Variants in ALDH16A1 observed in about 807,000 individuals in gnomAD.
ALDH16A1 encodes the protein aldehyde dehydrogenase 16 family member A1, also known as aldehyde dehydrogenase family 16 member A1.
Under a neutral mutation model 96.1 loss-of-function variants are expected in ALDH16A1, and 88 were observed. The ratio of observed to expected loss-of-function variants is 0.92; its 90% CI spans 0.77 to 1.09. The LOEUF is 1.09. Ranked by LOEUF, ALDH16A1 falls within the 50% of genes least tolerant of loss-of-function variation. The probability of loss-of-function intolerance (pLI) is 0.00; values close to 1 mark genes in which losing one functional copy is unlikely to be tolerated. For synonymous variants in ALDH16A1, 522 were observed against 496.4 expected (o/e 1.05, Z -0.69); for missense variants, 1,250 against 1,112.6 (o/e 1.12, Z -1.76).
In ALDH16A1 at chr19:49,462,720, C is replaced by T. The variant is rs765698438; in HGVS notation, c.1063C>T (p.Arg355Cys). ...RGAAACDLVQ[R>C]FVREAQSQGA... ...GGCTGCCGCATGTGACCTGGTCCAG[C>T]GCTTTGTGCGTGAGGCCCAGAGCCA... Residue 355 changes from arginine to cysteine, a missense_variant, in exon 8 of 17, where the codon CGC becomes TGC. Transcript: ENST00000293350. The T allele has an allele frequency of 1.6e-5, 25 of 1,601,930 alleles. No homozygotes were observed. The highest frequency in any genetic ancestry group is 2.0e-5 in the Non-Finnish European group (24 of 1,175,350).
intron 7 of ALDH16A1, among the ~76,000 whole-genome samples, chr19:49,462,335 A>G (rs916350652): frequency 2.0e-5 from 3 of 152,014 alleles, no homozygotes; most frequent in African/African-American, 7.3e-5. Flanking sequence ...GGGTTTCACC[A>G]TGTTGGCCAG....
intron 16 of ALDH16A1, chr19:49,470,026 T>C (rs2079232068): frequency 7.9e-6 from 3 of 377,586 alleles, no homozygotes; most frequent in Non-Finnish European, 1.4e-5. Context: ...GTCCACTCTC[T>C]TAAACCTCCT....
chr19:49,468,435 G>C lies in ALDH16A1; in HGVS notation c.1993G>C (p.Ala665Pro). 1 of 1,601,286 alleles carries C rather than the reference G, an allele frequency of 6.2e-7. No individual in the cohort carries two copies. The highest frequency in any genetic ancestry group is 8.5e-7 in the Non-Finnish European group (1 of 1,179,784). ...CCTGCGGGAGCCGCTGGGTGTGCTG[G>C]CTGTGGTGTGTCCGGACGAGTGGCC... Reference protein sequence around the residue: ...LRLREPLGVLAVVCPDEWPLL... With the variant: ...LRLREPLGVLPVVCPDEWPLL... The change falls in exon 15 of 17, where the codon GCT (alanine) becomes CCT (proline). Residue 665 changes from alanine (A) to proline (P), a missense_variant. Ala to Pro is a conservative substitution (Grantham distance 27, BLOSUM62 -1). Transcript: ENST00000293350. This position sits in a 1 kb window ranked among gnomAD's most constrained non-coding sequence, Gnocchi z 4.4.
In ALDH16A1 at chr19:49,458,600, C is replaced by A. The variant is rs771294295; in HGVS notation, c.193+12C>A. ...GGATCCCATCACAGGTACGAGATGT[C>A]CCCCAGTCATTAGTGGAAGGGAGGT... On this transcript the variant is annotated intron_variant, in intron 2 of 16. Transcript: ENST00000293350. 6.4e-7 allele frequency: 1 copy of A among 1,552,698 alleles called. No individual in the cohort carries two copies. The highest frequency in any genetic ancestry group is 1.4e-5 in the African/African-American group (1 of 73,382).
rs751968474 is a variant in ALDH16A1 at position 49,465,877 on chromosome 19, G to A, written c.1708G>A (p.Val570Met). 1 of 1,614,076 alleles carries A rather than the reference G, an allele frequency of 6.2e-7. No individual in the cohort carries two copies. The highest frequency in any genetic ancestry group is 1.7e-5 in the Admixed American group (1 of 60,006). Residue 570 changes from valine (V) to methionine (M), a missense_variant, in exon 13 of 17, where the codon GTG becomes ATG. Coordinates refer to ENST00000293350, the MANE Select transcript of ALDH16A1 (RefSeq NM_153329.4). ...TGGAGCCAAGGACATCCGAGGTGCT[G>A]TGGAGGCCGCTCACCAGGCTTTCCC... ...EGGAKDIRGA[V>M]EAAHQAFPGW...
rs761300617 is a variant in ALDH16A1, at chr19:49,459,018, G to A, written c.252G>A (p.Glu84=). The change falls in exon 3 of 17, where the codon GAG becomes GAA. Residue 84 remains glutamate (E), a synonymous_variant. Coordinates refer to ENST00000293350, the MANE Select transcript of ALDH16A1 (RefSeq NM_153329.4). The surrounding 1 kb of genome is among the most constrained non-coding windows in gnomAD (Gnocchi z 4.1). ...AQAEDVAAAV[E]AARMAFKGWS... is the part of the protein sequence containing the mutation. ...CCGAGGATGTGGCTGCAGCCGTGGA[G>A]GCAGCCAGGATGGCATTTAAGGGCT... The A allele has an allele frequency of 6.2e-7, 1 of 1,613,466 alleles. No individual in the cohort carries two copies. The highest frequency in any genetic ancestry group is 1.1e-5 in the South Asian group (1 of 91,080).
intron 4 of ALDH16A1, 143 bp from the exon 5 acceptor site, chr19:49,460,679 G>T: frequency 2.9e-6 from 2 of 685,578 alleles, no homozygotes; most frequent in East Asian, 2.8e-5. Context: ...CTCCCAAAGT[G>T]CTGAGATTAC....
intron 13 of ALDH16A1, 67 bp downstream of exon 13, chr19:49,465,972 T>C (rs946098573): frequency 6.0e-5 from 94 of 1,563,140 alleles, no homozygotes; most frequent in Non-Finnish European, 7.4e-5. Flanking sequence ...CCCACAGCAA[T>C]TGGTGGACTG....
rs1336722001 is a variant in ALDH16A1, at chr19:49,466,252, C to T, written c.1907C>T (p.Ala636Val). 7.4e-6 allele frequency: 11 copies of T among 1,477,752 alleles called. No individual in the cohort carries two copies. Among genetic ancestry groups the T allele is most frequent in the East Asian group, 2.4e-5 (1 of 41,898 alleles). The allele number at this position is 1,477,752 out of a possible 1,614,324, so 91.5% of individuals were successfully genotyped here. A position where few individuals can be genotyped will look rare whatever the true frequency, so the allele number is the denominator to read the frequency against. Residue 636 changes from alanine to valine, a missense_variant, in exon 14 of 17, where the codon GCC becomes GTC. Physicochemically the swap from Ala to Val is moderately conservative, Grantham distance 64. Coordinates refer to ENST00000293350, the MANE Select transcript of ALDH16A1 (RefSeq NM_153329.4). ...GCAAGACGACTTCGGGCGTGGGGGGCCCGGGTGCAGGCCCAAGGCCACACC... is the reference window on the plus strand; with the variant it reads ...GCAAGACGACTTCGGGCGTGGGGGGTCCGGGTGCAGGCCCAAGGCCACACC... ...LSARRLRAWG[A>V]RVQAQGHTLQ...
rs866708067 is a variant in ALDH16A1 at position 49,470,725 on chromosome 19, T to C, written c.*258T>C. ...GCGCAGTGGCACAATCTCGGCCCAC[T>C]GCAGCCTCGACCTCTGGGGCTCAAG... On this transcript the variant is annotated 3_prime_UTR_variant, in exon 17 of 17. Transcript: ENST00000293350. 9 of 339,872 alleles carry C rather than the reference T, an allele frequency of 2.6e-5. No individual in the cohort carries two copies. Among genetic ancestry groups the C allele is most frequent in the Middle Eastern group, 8.3e-4 (1 of 1,200 alleles). The allele number at this position is 339,872 out of a possible 1,614,324, so 21.1% of individuals were successfully genotyped here.
chr19:49,465,849 G>T lies in ALDH16A1; in HGVS notation c.1680G>T (p.Glu560Asp), dbSNP rs1193556835. The change falls in exon 13 of 17, where the codon GAG becomes GAT. Residue 560 changes from glutamate (E) to aspartate (D), a missense_variant. Transcript: ENST00000293350. The stretch of plus-strand genomic sequence containing the variant: ...GCAACCTCCATGGCTACGTGGCTGA[G>T]GGTGGAGCCAAGGACATCCGAGGTG... The part of the protein sequence containing the change: ...SSGNLHGYVA[E>D]GGAKDIRGAV... 3 of 1,613,996 alleles carry T rather than the reference G, an allele frequency of 1.9e-6. No homozygotes were observed. In the Admixed American group the frequency reaches 5.0e-5, roughly 27 times the overall value.
Position 49,459,805 on chromosome 19 carries a change from G to C in ALDH16A1, c.456G>C (p.Gln152His). 1 of 1,613,508 alleles carries C rather than the reference G, an allele frequency of 6.2e-7. No individual in the cohort carries two copies. The highest frequency in any genetic ancestry group is 8.5e-7 in the Non-Finnish European group (1 of 1,179,886). ...AQQLLHYHAI[Q>H]ASTQEEALAG... Reference sequence around the variant, plus strand: ...AGCTGCTCCACTACCATGCAATCCAGGCATCCACCCAGGAGGAGGCACTGG... The same window carrying C: ...AGCTGCTCCACTACCATGCAATCCACGCATCCACCCAGGAGGAGGCACTGG... Residue 152 changes from glutamine (Q) to histidine (H), a missense_variant, in exon 4 of 17, where the codon CAG becomes CAC. Gln to His is a conservative substitution (Grantham distance 24). Coordinates refer to ENST00000293350, the MANE Select transcript of ALDH16A1 (RefSeq NM_153329.4). The surrounding 1 kb of genome is among the most constrained non-coding windows in gnomAD (Gnocchi z 4.1).
intron 1 of ALDH16A1, among the ~76,000 whole-genome samples, chr19:49,453,765 C>T (rs1211579037): frequency 6.6e-6 from 1 of 152,136 alleles, no homozygotes; most frequent in African/African-American, 2.4e-5. Context: ...CTTAGGATTC[C>T]TGTGAGGCTC....
chr19:49,458,838 C>A, intron 2 of ALDH16A1, 122 bp from the exon 3 acceptor site: 1 of 1,389,838 alleles, frequency 7.2e-7, no homozygotes, highest in Non-Finnish European at 9.9e-7. Flanking sequence ...TAGCCGTGAC[C>A]CAGCAGAGAA....
chr19:49,464,592 G>A (rs369626137), intron 11 of ALDH16A1, 40 bp from the exon 12 acceptor site: 22 of 1,613,382 alleles, frequency 1.4e-5, no homozygotes, highest in East Asian at 2.2e-5. Context: ...ATCCGGCCTC[G>A]CGTGCCCCTT....
At chr19:49,453,508 G>T (rs1004332550) in intron 1 of ALDH16A1, 87 bp downstream of exon 1, 26 of 1,253,682 alleles carry the variant, frequency 2.1e-5, no homozygotes, top group Non-Finnish European at 2.7e-5. Context: ...CATCCACTGC[G>T]GTAGCTCAGC....
intron 1 of ALDH16A1, among the ~76,000 whole-genome samples, chr19:49,454,261 G>A (rs2079092205): frequency 6.6e-6 from 1 of 151,990 alleles, no homozygotes; most frequent in African/African-American, 2.4e-5. Flanking sequence ...GGCCTCAAGT[G>A]ATCCACCCAC....
intron 1 of ALDH16A1, among the ~76,000 whole-genome samples, chr19:49,454,030 TG>T (rs1233753459): frequency 3.1e-5 from 4 of 130,634 alleles, no homozygotes; most frequent in Non-Finnish European, 6.8e-5. Context: ...GTTTTTTTTT[TG>T]TTTTTTTTTT....
chr19:49,467,714 T>C lies in ALDH16A1; in HGVS notation c.1939-667T>C, dbSNP rs568665236. On this transcript the variant is annotated intron_variant, in intron 14 of 16. Transcript: ENST00000293350. The stretch of plus-strand genomic sequence containing the variant: ...CGGCCTTCTTTTTTTTAAATTTTAT[T>C]TTACTTTAGTTCTGGGATACATGTG... 5.9e-5 allele frequency among the ~76,000 whole-genome samples: 9 copies of C among 151,852 alleles called. No individual in the cohort carries two copies. In the East Asian group the frequency reaches 1.7e-3, roughly 29 times the overall value.
Sources: gnomAD v4.1 joint callset for allele counts (sites outside exome capture counted in the v4.1 genomes callset) on GRCh38, gnomAD v4.1.1 for gene constraint, Gnocchi (gnomAD v3.1) non-coding constraint, MANE v1.5 for transcripts, NCBI Gene and HGNC (gene_info 2026-07-23, HGNC 2026-07-21) for gene names.